RILPL2: variants seen among roughly 807,000 people sequenced by gnomAD.
RILPL2 encodes the protein RILP-like protein 2.
A neutral mutation model predicts 22.2 loss-of-function variants in RILPL2; 19 were observed. The ratio of observed to expected loss-of-function variants is 0.86; its 90% CI spans 0.60 to 1.25. RILPL2 has a LOEUF of 1.25. RILPL2 is among the 50% of genes most tolerant of loss of function. RILPL2 has a pLI of 0.00. For missense variants in RILPL2, 243 were observed against 263.6 expected (o/e 0.92, Z 0.54); for synonymous variants, 123 against 111.6 (o/e 1.10, Z -0.64).
Position 123,415,821 on chromosome 12 carries a change from T to C in RILPL2, c.*70A>G, listed in dbSNP as rs1469995384. ...AGTGTGTCTGTGTGGCACAGGGAGG[T>C]GGTTTTGCCAGGCATCTTGGAAGGT... On this transcript the variant is annotated 3_prime_UTR_variant, in exon 4 of 4. Coordinates refer to ENST00000280571, the MANE Select transcript of RILPL2 (RefSeq NM_145058.3). 2 of 1,453,460 alleles carry C rather than the reference T, an allele frequency of 1.4e-6. No individual in the cohort carries two copies. Among genetic ancestry groups the C allele is most frequent in the Non-Finnish European group, 1.9e-6 (2 of 1,033,688 alleles). The allele number at this position is 1,453,460 out of a possible 1,614,324, so 90.0% of individuals were successfully genotyped here.
In RILPL2 at chr12:123,436,122, A is replaced by C. The variant is rs1181473362; in HGVS notation, c.299T>G (p.Val100Gly). The change falls in exon 1 of 4, where the codon GTG (valine) becomes GGG (glycine). Residue 100 changes from valine (V) to glycine (G), a missense_variant. By Grantham distance (109) the Val-to-Gly change is moderately radical. Coordinates refer to ENST00000280571, the MANE Select transcript of RILPL2 (RefSeq NM_145058.3). The surrounding 1 kb of genome is among the most constrained non-coding windows in gnomAD (Gnocchi z 6.7). ...AGGGCTCTGTCTCCGCAGCCCCTCC[A>C]CCTCCTTCCTGAGGTGGTCCCTCTC... ...KMERDHLRKE[V>G]EGLRRQSPPA... is the part of the protein sequence containing the mutation. 4 of 1,592,416 alleles carry C rather than the reference A, an allele frequency of 2.5e-6. No individual in the cohort carries two copies. The highest frequency in any genetic ancestry group is 3.4e-6 in the Non-Finnish European group (4 of 1,170,066).
At chr12:123,419,161 C>A (rs1033451796) in intron 3 of RILPL2, among the ~76,000 whole-genome samples, 1 of 151,720 alleles carries the variant, frequency 6.6e-6, no homozygotes, top group East Asian at 1.9e-4. Context: ...CAGGCGCCCA[C>A]TACCATGCCC....
intron 2 of RILPL2, among the ~76,000 whole-genome samples, chr12:123,424,384 T>C (rs1275210037): frequency 6.7e-6 from 1 of 149,978 alleles, no homozygotes; most frequent in African/African-American, 2.5e-5. Flanking sequence ...CAGACTGGAG[T>C]GCAGTGGCAC....
chr12:123,422,265 G>A (rs896801331), intron 3 of RILPL2, among the ~76,000 whole-genome samples: 1 of 151,584 alleles, frequency 6.6e-6, no homozygotes, highest in Non-Finnish European at 1.5e-5. Flanking sequence ...GCTCATGCCT[G>A]TAATCCCAGC....
chr12:123,430,390 CAG>C lies in RILPL2; in HGVS notation c.491+116_491+117del, dbSNP rs566811293. The stretch of plus-strand genomic sequence containing the variant: ...CGCCACTGCACTCCAGCCTGGGCGA[CAG>C]AGCGAGACTCTGTCTCAAAAAAACA... On this transcript the variant is annotated intron_variant, in intron 2 of 3. Transcript: ENST00000280571. 246 of 1,016,636 alleles carry C rather than the reference CAG, an allele frequency of 2.4e-4. No homozygotes were observed. The African/African-American group carries it at 3.6e-3, about 15-fold the overall frequency. 63.0% of individuals were successfully genotyped at this position (1,016,636 alleles called of 1,614,324 possible).
downstream of RILPL2, chr12:123,414,631 G>C (rs532669715): frequency 1.3e-5 from 2 of 153,456 alleles, no homozygotes; most frequent in African/African-American, 4.8e-5. Flanking sequence ...AGGAGGCGCC[G>C]AGAGCGAGCG....
intron 3 of RILPL2, 131 bp downstream of exon 3, chr12:123,422,913 G>A (rs1022705191): frequency 3.0e-6 from 2 of 658,278 alleles, no homozygotes; most frequent in Non-Finnish European, 2.7e-6. Context: ...GTTTTCCCAT[G>A]GGCTGCAGCA....
chr12:123,433,128 G>T (rs116523204), intron 1 of RILPL2, among the ~76,000 whole-genome samples: 2 of 141,126 alleles, frequency 1.4e-5, no homozygotes, highest in South Asian at 4.3e-4. Context: ...TTTTTGAGAC[G>T]AAGTCGTCTC....
rs777737341 is a variant in RILPL2, at chr12:123,436,303, C to T, written c.118G>A (p.Asp40Asn). 12 of 1,594,070 alleles carry T rather than the reference C, an allele frequency of 7.5e-6. No individual in the cohort carries two copies. Among genetic ancestry groups the T allele is most frequent in the Non-Finnish European group, 1.0e-5 (12 of 1,170,750 alleles). The change falls in exon 1 of 4, where the codon GAC becomes AAC. Residue 40 changes from aspartate (D) to asparagine (N), a missense_variant. Physicochemically the swap from Asp to Asn is conservative, Grantham distance 23. Transcript: ENST00000280571. The surrounding 1 kb of genome is among the most constrained non-coding windows in gnomAD (Gnocchi z 6.7). ...AACAGGTAGGAGATGTCATACACGT[C>T]CTCGGCGGTCAGCTGGAAGGGGCTC... ...GKSPFQLTAE[D>N]VYDISYLLGR...
At chr12:123,428,434 C>T (rs1879505659) in intron 2 of RILPL2, among the ~76,000 whole-genome samples, 1 of 152,188 alleles carries the variant, frequency 6.6e-6, no homozygotes, top group Admixed American at 6.6e-5. Flanking sequence ...CCGCGCCCGG[C>T]CCTGAATTAC....
intron 3 of RILPL2, among the ~76,000 whole-genome samples, chr12:123,419,425 A>G (rs1879213245): frequency 1.3e-5 from 2 of 152,142 alleles, no homozygotes; most frequent in African/African-American, 4.8e-5. Context: ...GTGCACAGAC[A>G]TGAGGGAAGT....
In RILPL2 at chr12:123,436,217, G is replaced by C. The variant is rs768252125; in HGVS notation, c.204C>G (p.Val68=). 1.2e-6 allele frequency: 2 copies of C among 1,612,654 alleles called. No homozygotes were observed. The highest frequency in any genetic ancestry group is 2.2e-5 in the South Asian group (2 of 90,758). ...DPRVTQLQFK[V]VRVLEMLEAL... is the part of the protein sequence containing the mutation. ...CCTCCAGCATCTCCAGGACGCGGAC[G>C]ACTTTGAACTGCAGCTGCGTCACCC... Residue 68 remains valine (V), a synonymous_variant, in exon 1 of 4, where the codon GTC becomes GTG. Coordinates refer to ENST00000280571, the MANE Select transcript of RILPL2 (RefSeq NM_145058.3). This position sits in a 1 kb window ranked among gnomAD's most constrained non-coding sequence, Gnocchi z 6.7.
chr12:123,435,254 C>T (rs1043953877), intron 1 of RILPL2, among the ~76,000 whole-genome samples: 1 of 151,978 alleles, frequency 6.6e-6, no homozygotes, highest in Non-Finnish European at 1.5e-5. Flanking sequence ...CTGTGAGATT[C>T]ATTCACACTG....
chr12:123,431,686 C>A (rs577225624), intron 1 of RILPL2, among the ~76,000 whole-genome samples: 2 of 151,540 alleles, frequency 1.3e-5, no homozygotes, highest in African/African-American at 4.8e-5. Flanking sequence ...GTTAGCCAGG[C>A]GTGGTGGCAG....
In RILPL2 at chr12:123,415,759, T is replaced by G. The variant is rs956505581; in HGVS notation, c.*132A>C. ...CAAGAGAACCTCGTCTCCTCCCTCCTCAGTCTGCTTTGAAGGGGAAATAAA... is the reference window on the plus strand; with the variant it reads ...CAAGAGAACCTCGTCTCCTCCCTCCGCAGTCTGCTTTGAAGGGGAAATAAA... On this transcript the variant is annotated 3_prime_UTR_variant, in exon 4 of 4. Transcript: ENST00000280571. 1.2e-5 allele frequency: 11 copies of G among 883,698 alleles called. No individual in the cohort carries two copies. The Admixed American group carries it at 1.3e-4, about 10-fold the overall frequency. The allele number at this position is 883,698 out of a possible 1,614,324, so 54.7% of individuals were successfully genotyped here. A position where few individuals can be genotyped will look rare whatever the true frequency, so the allele number is the denominator to read the frequency against.
chr12:123,418,980 G>T (rs1272341655), intron 3 of RILPL2, among the ~76,000 whole-genome samples: 9 of 149,282 alleles, frequency 6.0e-5, no homozygotes, highest in Non-Finnish European at 1.0e-4. Flanking sequence ...GCCTCCAAAA[G>T]TGCTGAGATT....
At chr12:123,411,311 G>A (rs529159140), downstream of RILPL2, 2 of 151,960 alleles carry the variant, frequency 1.3e-5, no homozygotes, top group East Asian at 3.9e-4. Flanking sequence ...TTACAGATGT[G>A]AGCCACCGCG....
intron 3 of RILPL2, among the ~76,000 whole-genome samples, chr12:123,422,125 T>A (rs1879301715): frequency 6.6e-6 from 1 of 150,382 alleles, no homozygotes; most frequent in Admixed American, 6.7e-5. Context: ...AATCCTCCAG[T>A]CTCATCCTCC....
At chr12:123,431,758 G>A (rs1239767269) in intron 1 of RILPL2, among the ~76,000 whole-genome samples, 2 of 150,248 alleles carry the variant, frequency 1.3e-5, no homozygotes, top group African/African-American at 2.4e-5. Flanking sequence ...CCTGGGAGAC[G>A]GAGCTTGCAG....
Sources: gnomAD v4.1 joint callset for allele counts (sites outside exome capture counted in the v4.1 genomes callset) on GRCh38, gnomAD v4.1.1 for gene constraint, Gnocchi (gnomAD v3.1) non-coding constraint, MANE v1.5 for transcripts, NCBI Gene and HGNC (gene_info 2026-07-23, HGNC 2026-07-21) for gene names.